ROBO2: variants seen among roughly 807,000 people sequenced by gnomAD.
The protein encoded by ROBO2 is roundabout guidance receptor 2.
ROBO2 carries 53 observed loss-of-function variants against 160.8 expected under a neutral mutation model. The ratio of observed to expected loss-of-function variants is 0.33; its 90% CI spans 0.26 to 0.41. The LOEUF (loss-of-function observed/expected upper bound fraction) is 0.41, where lower values mean the gene tolerates loss of function less well. Ranked by LOEUF, ROBO2 falls within the 10% of genes least tolerant of loss-of-function variation. ROBO2 has a pLI of 1.00. For missense variants in ROBO2, 1,577 were observed against 1,722.4 expected, an observed-to-expected ratio of 0.92 and a Z score of 1.49; for synonymous variants, 664 against 611.7, an observed-to-expected ratio of 1.09 and a Z score of -1.26.
chr3:76,222,974 C>T (rs967263681), intron 2 of ROBO2, among the ~76,000 whole-genome samples: 1 of 151,954 alleles, frequency 6.6e-6, no homozygotes, highest in Non-Finnish European at 1.5e-5. Flanking sequence ...AGGCTGGTCT[C>T]AAGTTCCTTA....
At chr3:76,795,274 T>G (rs2063615428) in intron 2 of ROBO2, among the ~76,000 whole-genome samples, 1 of 152,068 alleles carries the variant, frequency 6.6e-6, no homozygotes, top group Non-Finnish European at 1.5e-5. Flanking sequence ...TTAGTCCCAA[T>G]GAAGCTTGCT....
chr3:77,255,845 AG>A (rs1327118209), intron 2 of ROBO2, among the ~76,000 whole-genome samples: 1 of 152,232 alleles, frequency 6.6e-6, no homozygotes, highest in African/African-American at 2.4e-5. Flanking sequence ...TTCTCGTCAA[AG>A]GAAATCCTAT....
intron 2 of ROBO2, among the ~76,000 whole-genome samples, chr3:76,458,029 G>T (rs906118429): frequency 2.0e-5 from 3 of 152,152 alleles, no homozygotes; most frequent in Admixed American, 1.3e-4. Flanking sequence ...CTCTGACATG[G>T]CCTGGAGATA....
rs116203180 is a variant in ROBO2, at chr3:77,400,495, G to T, written c.389-76919G>T. On this transcript the variant is annotated intron_variant, in intron 2 of 25. Transcript: ENST00000461745. ...CATAGTTCTAAGAAGGAGCCAGTACGTTCACTTTAGACATTAGAAATTATC... is the reference window on the plus strand; with the variant it reads ...CATAGTTCTAAGAAGGAGCCAGTACTTTCACTTTAGACATTAGAAATTATC... Among the ~76,000 whole-genome samples, 1,475 of 152,216 alleles carry T rather than the reference G, an allele frequency of 9.7e-3. 26 individuals carry two copies. Among genetic ancestry groups the T allele is most frequent in the African/African-American group, 0.034 (1,395 of 41,516 alleles).
intron 2 of ROBO2, among the ~76,000 whole-genome samples, chr3:76,622,222 G>GAAA (rs1560251541): frequency 3.8e-5 from 2 of 52,480 alleles, no homozygotes; most frequent in African/African-American, 1.8e-4. Flanking sequence ...AAGGAAGGAA[G>GAAA]GAAGGAAGGA....
At chr3:76,815,508 C>T (rs979518087) in intron 2 of ROBO2, among the ~76,000 whole-genome samples, 1 of 151,794 alleles carries the variant, frequency 6.6e-6, no homozygotes, top group African/African-American at 2.4e-5. Context: ...ATATTGTACC[C>T]AGCGTAGGAG....
At chr3:76,473,485 A>G (rs902039599) in intron 2 of ROBO2, among the ~76,000 whole-genome samples, 30 of 152,276 alleles carry the variant, frequency 2.0e-4, no homozygotes, top group African/African-American at 7.2e-4. Flanking sequence ...TCTGTCTGTA[A>G]AAGATTTACA....
At chr3:77,236,561 T>A (rs1037887719) in intron 2 of ROBO2, among the ~76,000 whole-genome samples, 3 of 152,208 alleles carry the variant, frequency 2.0e-5, no homozygotes, top group Non-Finnish European at 4.4e-5. Flanking sequence ...AATTTTATTT[T>A]TGGTTTACAT....
intron 2 of ROBO2, among the ~76,000 whole-genome samples, chr3:76,656,291 G>T (rs949959636): frequency 1.3e-5 from 2 of 152,012 alleles, no homozygotes; most frequent in African/African-American, 4.8e-5. Flanking sequence ...GTTAAAACTG[G>T]CATGAAAATT....
Position 77,505,333 on chromosome 3 carries a change from CT to C in ROBO2, c.806+11962del, listed in dbSNP as rs552211704. 4.5e-3 allele frequency among the ~76,000 whole-genome samples: 654 copies of C among 144,570 alleles called. 6 individuals are homozygous for C. Among genetic ancestry groups the C allele is most frequent in the Admixed American group, 0.011 (158 of 14,378 alleles). The allele number at this position is 144,570 out of a possible 152,430, so 94.8% of individuals were successfully genotyped here. A position where few individuals can be genotyped will look rare whatever the true frequency, so the allele number is the denominator to read the frequency against. ...AATACAAGTGGTCATACAAGAAAAC[CT>C]TTTTTTTTTTCAATTGGCAAATAAT... On this transcript the variant is annotated intron_variant, in intron 5 of 25. Coordinates refer to ENST00000461745, the Ensembl canonical transcript of ROBO2.
chr3:77,212,054 G>A (rs1306438206), intron 2 of ROBO2, among the ~76,000 whole-genome samples: 1 of 152,154 alleles, frequency 6.6e-6, no homozygotes, highest in Admixed American at 6.6e-5. Flanking sequence ...ACTTGGCACT[G>A]CAGGCTCTTT....
At chr3:77,173,058 A>C (rs1378149473) in intron 2 of ROBO2, among the ~76,000 whole-genome samples, 1 of 152,216 alleles carries the variant, frequency 6.6e-6, no homozygotes, top group Non-Finnish European at 1.5e-5. Context: ...TAGACAAGGT[A>C]AATCAACATG....
chr3:76,328,944 C>T (rs1471009432), intron 2 of ROBO2, among the ~76,000 whole-genome samples: 2 of 146,040 alleles, frequency 1.4e-5, no homozygotes, highest in African/African-American at 2.5e-5. Flanking sequence ...TATTAGTTGT[C>T]ATATGTCTCC....
chr3:76,322,310 C>T (rs929524790), intron 2 of ROBO2, among the ~76,000 whole-genome samples: 109 of 150,932 alleles, frequency 7.2e-4, no homozygotes, highest in African/African-American at 2.4e-3. Context: ...ATAATTACTA[C>T]ATTTCACTGT....
At chr3:75,960,079 A>T (rs926765086) in intron 2 of ROBO2, among the ~76,000 whole-genome samples, 4 of 151,564 alleles carry the variant, frequency 2.6e-5, no homozygotes, top group African/African-American at 9.7e-5. Context: ...TCCATAGAGT[A>T]CTTTGCTGGG....
At chr3:76,846,405 T>C (rs1341288100) in intron 2 of ROBO2, among the ~76,000 whole-genome samples, 1 of 152,154 alleles carries the variant, frequency 6.6e-6, no homozygotes, top group African/African-American at 2.4e-5. Context: ...CTACCATTGG[T>C]ACTAATTGAA....
At chr3:75,950,155 G>A (rs942045939) in intron 2 of ROBO2, among the ~76,000 whole-genome samples, 1 of 151,994 alleles carries the variant, frequency 6.6e-6, no homozygotes, top group Admixed American at 6.6e-5. Context: ...CCTAAAATTG[G>A]TGGTACCCTT....
intron 2 of ROBO2, among the ~76,000 whole-genome samples, chr3:76,851,741 C>CAAA (rs71104629): frequency 1.8e-3 from 115 of 62,990 alleles, no homozygotes; most frequent in African/African-American, 4.5e-3. Context: ...GACTCCGTCT[C>CAAA]AAAAAAAAAA....
chr3:76,693,714 A>G lies in ROBO2; in HGVS notation c.110-404300A>G, dbSNP rs149217093. 8.0e-3 allele frequency among the ~76,000 whole-genome samples: 1,218 copies of G among 152,242 alleles called. 17 individuals carry two copies. Among genetic ancestry groups the G allele is most frequent in the African/African-American group, 0.028 (1,147 of 41,548 alleles). ...CCAAAGCCTGGAGAAACATGGGGCC[A>G]CTGGTGCAAGTTACACAGTCTGAAG... On this transcript the variant is annotated intron_variant, in intron 2 of 26. Transcript: ENST00000487694.
Sources: allele counts gnomAD v4.1 joint callset (sites outside exome capture counted in the v4.1 genomes callset), GRCh38; gene constraint gnomAD v4.1.1; transcripts MANE v1.5; gene names NCBI Gene and HGNC (gene_info 2026-07-23, HGNC 2026-07-21).